The following TMEM260 variants were observed in gnomAD, a reference collection of about 807,000 sequenced individuals.
TMEM260 encodes the protein transmembrane protein 260.
A neutral mutation model predicts 88.9 loss-of-function variants in TMEM260; 82 were observed. The ratio of observed to expected loss-of-function variants is 0.92; its 90% confidence interval spans 0.77 to 1.11. The LOEUF (loss-of-function observed/expected upper bound fraction) is 1.11, where lower values mean the gene tolerates loss of function less well. TMEM260 is among the 50% of genes least tolerant of loss of function. TMEM260 has a pLI of 0.00. For missense variants in TMEM260, 902 were observed against 853.4 expected, an observed-to-expected ratio of 1.06 and a Z score of -0.71; for synonymous variants, 314 against 309.3, an observed-to-expected ratio of 1.02 and a Z score of -0.16.
chr14:56,580,248 C>T (rs1181969840), intron 1 of TMEM260, among the ~76,000 whole-genome samples, 174 bp downstream of exon 1: 2 of 152,236 alleles, frequency 1.3e-5, no homozygotes, highest in African/African-American at 2.4e-5. Context: ...GTTTCCATTC[C>T]TGTCGTTGTG....
intron 12 of TMEM260, among the ~76,000 whole-genome samples, chr14:56,630,949 A>C (rs1476077481): frequency 2.0e-5 from 3 of 152,082 alleles, no homozygotes; most frequent in Non-Finnish European, 2.9e-5. Flanking sequence ...GATTAATCCC[A>C]TGTGTGTGCT....
chr14:56,617,300 A>G lies in TMEM260; in HGVS notation c.1056+3A>G. 2 of 1,567,880 alleles carry G rather than the reference A, an allele frequency of 1.3e-6. No homozygotes were observed. Among genetic ancestry groups the G allele is most frequent in the Non-Finnish European group, 1.7e-6 (2 of 1,150,982 alleles). ...CAAAACCACTTTTCATGGGTGTGGT[A>G]AGTTTTACTTAGATATATCCTTTGA... On this transcript the variant is annotated splice_donor_region_variant and intron_variant, in intron 9 of 15. Transcript: ENST00000261556.
chr14:56,579,596 G>A (rs1002665945), upstream of TMEM260: 1 of 284,082 alleles, frequency 3.5e-6, no homozygotes, highest in Non-Finnish European at 6.5e-6. Context: ...TAGCCATGGA[G>A]AAGGTAGGCC....
At position 56,595,042 on chromosome 14, in the gene TMEM260, T is replaced by C. The variant is rs531761571; in HGVS notation, c.345-8773T>C. 1.2e-4 allele frequency among the ~76,000 whole-genome samples: 19 copies of C among 152,220 alleles called. 1 individual carries two copies. The South Asian group carries it at 3.9e-3, about 32-fold the overall frequency. Reference sequence around the variant, plus strand: ...ATAATTGGCCAGGATCATAAGATAATAAAGGCCCCAGTGATCAAAAAGGAT... The same window carrying C: ...ATAATTGGCCAGGATCATAAGATAACAAAGGCCCCAGTGATCAAAAAGGAT... On this transcript the variant is annotated intron_variant, in intron 3 of 15. Transcript: ENST00000261556.
At chr14:56,582,056 C>T (rs1348699997) in intron 1 of TMEM260, among the ~76,000 whole-genome samples, 2 of 152,124 alleles carry the variant, frequency 1.3e-5, no homozygotes, top group Admixed American at 6.5e-5. Context: ...TTTTTATGTT[C>T]ATTTTTGGGA....
At chr14:56,661,510 G>A in the TMEM260 span, among the ~76,000 whole-genome samples, 2 of 139,328 alleles carry the variant, frequency 1.4e-5, no homozygotes, top group Admixed American at 1.5e-4. Flanking sequence ...CAAGAAAGAA[G>A]GAAGGAAGGG....
chr14:56,614,194 C>T (rs1423542286), intron 7 of TMEM260, among the ~76,000 whole-genome samples: 1 of 143,806 alleles, frequency 7.0e-6, no homozygotes, highest in African/African-American at 2.6e-5. Context: ...CCAGAGTGAG[C>T]TAACACAACC....
rs773149058 is a variant in TMEM260 at position 56,621,592 on chromosome 14, A to G, written c.1288A>G (p.Met430Val). 27 of 1,613,654 alleles carry G rather than the reference A, an allele frequency of 1.7e-5. No homozygotes were observed. The highest frequency in any genetic ancestry group is 9.3e-5 in the African/African-American group (7 of 75,032). ...DKFAKNLLTS[M>V]PHDAIILLRG... ...GTTCGCAAAGAACCTTCTCACCTCT[A>G]TGCCTCATGATGCAATTATCTTACT... The change falls in exon 11 of 16, where the codon ATG becomes GTG. Residue 430 changes from methionine to valine, a missense_variant. Physicochemically the swap from Met to Val is conservative, Grantham distance 21. Coordinates refer to ENST00000261556, the MANE Select transcript of TMEM260 (RefSeq NM_017799.4).
At chr14:56,594,718 TCTC>T (rs2139524282) in intron 3 of TMEM260, among the ~76,000 whole-genome samples, 1 of 152,334 alleles carries the variant, frequency 6.6e-6, no homozygotes, top group Non-Finnish European at 1.5e-5. Context: ...TTCATTTAAA[TCTC>T]CTATTTAAAT....
At chr14:56,653,746 A>AAAAAAAAAAACAAAAC (rs1555343595), downstream of TMEM260, among the ~76,000 whole-genome samples, 289 of 86,070 alleles carry the variant, frequency 3.4e-3, 4 homozygotes, top group African/African-American at 7.7e-3. Context: ...CAAAACAAAA[A>AAAAAAAAAAACAAAAC]AAAAAAAAAC....
the TMEM260 span, among the ~76,000 whole-genome samples, chr14:56,662,508 C>A: frequency 6.6e-6 from 1 of 152,176 alleles, no homozygotes; most frequent in Non-Finnish European, 1.5e-5. Context: ...ATCTCAGAAG[C>A]CACCGTGGTC....
At chr14:56,638,036 G>A (rs929294216) in intron 15 of TMEM260, among the ~76,000 whole-genome samples, 1 of 147,578 alleles carries the variant, frequency 6.8e-6, no homozygotes, top group Non-Finnish European at 1.5e-5. Context: ...TTCCAGAGAG[G>A]ATGTCATTGG....
At chr14:56,624,997 G>A (rs1470089239) in intron 11 of TMEM260, among the ~76,000 whole-genome samples, 3 of 152,196 alleles carry the variant, frequency 2.0e-5, no homozygotes, top group Non-Finnish European at 4.4e-5. Context: ...GTTCACAATA[G>A]GTTCACACTC....
In TMEM260 at chr14:56,618,486, C is replaced by A. The variant is rs950573360; in HGVS notation, c.1057-108C>A. Reference sequence around the variant, plus strand: ...TCAGTTAACAAAACCTGAATGACAACAGGCACACACAACTAGGTGCATGCA... The same window carrying A: ...TCAGTTAACAAAACCTGAATGACAAAAGGCACACACAACTAGGTGCATGCA... On this transcript the variant is annotated intron_variant, in intron 9 of 15. Coordinates refer to ENST00000261556, the MANE Select transcript of TMEM260 (RefSeq NM_017799.4). 6.2e-6 allele frequency: 6 copies of A among 970,934 alleles called. No homozygotes were observed. The Admixed American group carries it at 9.6e-5, about 16-fold the overall frequency. 60.1% of individuals were successfully genotyped at this position (970,934 alleles called of 1,614,324 possible). A position where few individuals can be genotyped will look rare whatever the true frequency, so the allele number is the denominator to read the frequency against.
intron 3 of TMEM260, among the ~76,000 whole-genome samples, chr14:56,601,118 A>G (rs774142466): frequency 5.3e-5 from 8 of 152,202 alleles, no homozygotes; most frequent in Non-Finnish European, 8.8e-5. Context: ...GTTATCATCG[A>G]AGTCAAAAAT....
the TMEM260 span, among the ~76,000 whole-genome samples, chr14:56,659,936 A>C: frequency 0.032 from 4,838 of 152,240 alleles, 264 homozygotes; most frequent in African/African-American, 0.11. Context: ...GTGGGTTGCA[A>C]GAAGGGGAGA....
chr14:56,634,408 A>C (rs17091854), intron 13 of TMEM260, among the ~76,000 whole-genome samples: 6,545 of 152,306 alleles, frequency 0.043, 219 homozygotes, highest in East Asian at 0.1. Flanking sequence ...GATTAAGAAG[A>C]TATTTACCAA....
intron 15 of TMEM260, among the ~76,000 whole-genome samples, chr14:56,639,289 TA>T (rs1206451504): frequency 6.6e-6 from 1 of 150,982 alleles, no homozygotes; most frequent in African/African-American, 2.5e-5. Flanking sequence ...ATGATACATT[TA>T]AAAATAACTA....
In TMEM260 at chr14:56,593,677, C is replaced by CTTTTTTTTTTTT. The variant is rs34268894; in HGVS notation, c.344+7782_344+7793dup. ...ATTATTGGTATTGACAGGTGAGTGT[C>CTTTTTTTTTTTT]TTTTTTTTTTTTTTTTTTTTTTTTT... On this transcript the variant is annotated intron_variant, in intron 3 of 15. Transcript: ENST00000261556. Among the ~76,000 whole-genome samples the CTTTTTTTTTTTT allele has an allele frequency of 4.7e-5, 3 of 63,506 alleles. 1 individual carries two copies. The highest frequency in any genetic ancestry group is 1.7e-3 in the South Asian group (2 of 1,162). The allele number at this position is 63,506 out of a possible 152,430, so 41.7% of individuals were successfully genotyped here.
Sources: allele counts gnomAD v4.1 joint callset (sites outside exome capture counted in the v4.1 genomes callset), GRCh38; gene constraint gnomAD v4.1.1; transcripts MANE v1.5; gene names NCBI Gene and HGNC (gene_info 2026-07-23, HGNC 2026-07-21).